The following TPO variants were observed in gnomAD, a reference collection of about 807,000 sequenced individuals.
TPO encodes the protein thyroid peroxidase, also known as thyroid microsomal antigen.
A neutral mutation model predicts 96.9 loss-of-function variants in TPO; 78 were observed. The ratio of observed to expected loss-of-function variants is 0.81; its 90% CI spans 0.67 to 0.97. The LOEUF (loss-of-function observed/expected upper bound fraction) is 0.97. Ranked by LOEUF, TPO falls within the 50% of genes least tolerant of loss-of-function variation. TPO has a pLI of 0.00. For missense variants in TPO, 1,252 were observed against 1,274.8 expected (o/e 0.98, Z 0.27); for synonymous variants, 547 against 538.0 (o/e 1.02, Z -0.23).
At chr2:1,422,440 A>G (rs1663852190) in intron 2 of TPO, among the ~76,000 whole-genome samples, 1 of 54,072 alleles carries the variant, frequency 1.8e-5, no homozygotes, top group South Asian at 7.7e-4. Context: ...AGGGACTTCT[A>G]TTTGCTTTTA....
At chr2:1,392,241 T>C (rs1438245218) in intron 1 of TPO, among the ~76,000 whole-genome samples, 1 of 152,250 alleles carries the variant, frequency 6.6e-6, no homozygotes, top group African/African-American at 2.4e-5. Context: ...CAAAGGCCTT[T>C]TCTGCATCTA....
At chr2:1,506,202 C>T (rs1439592704) in intron 14 of TPO, among the ~76,000 whole-genome samples, 3 of 152,058 alleles carry the variant, frequency 2.0e-5, no homozygotes, top group Admixed American at 2.0e-4. Context: ...CATGTCCCTA[C>T]AAAGGACATG....
intron 7 of TPO, among the ~76,000 whole-genome samples, chr2:1,463,494 C>A (rs990426574): frequency 9.2e-5 from 14 of 152,074 alleles, no homozygotes; most frequent in Non-Finnish European, 1.6e-4. Flanking sequence ...AATCCCAAAG[C>A]AAAACAGAAA....
At chr2:1,441,516 T>G (rs935396011) in intron 5 of TPO, among the ~76,000 whole-genome samples, 1 of 152,168 alleles carries the variant, frequency 6.6e-6, no homozygotes, top group Non-Finnish European at 1.5e-5. Flanking sequence ...GAAGGTGTTT[T>G]GGTAGTATCA....
rs1045158560 is a variant in TPO at position 1,543,653 on chromosome 2, TAAAAC to T, written c.*1182_*1186del. The T allele has an allele frequency of 7.3e-5, 11 of 150,624 alleles. No homozygotes were observed. The highest frequency in any genetic ancestry group is 2.4e-4 in the African/African-American group (10 of 41,240). The allele number at this position is 150,624 out of a possible 1,614,324, so 9.3% of individuals were successfully genotyped here. On this transcript the variant is annotated 3_prime_UTR_variant, in exon 17 of 17. Coordinates refer to ENST00000329066, the MANE Select transcript of TPO (RefSeq NM_001206744.2). The stretch of plus-strand genomic sequence containing the variant: ...CATGTAAAACTCATGATTTCATAAT[TAAAAC>T]AATATTAAAATAAAACTCATGAATG...
At chr2:1,385,322 G>A (rs537732685) in intron 1 of TPO, among the ~76,000 whole-genome samples, 89 of 152,290 alleles carry the variant, frequency 5.8e-4, no homozygotes, top group Middle Eastern at 6.8e-3. Context: ...GAATTTGGCT[G>A]TGAATCTGTC....
intron 7 of TPO, among the ~76,000 whole-genome samples, chr2:1,470,613 ACT>A (rs1340587185): frequency 1.3e-5 from 2 of 151,608 alleles, no homozygotes; most frequent in Non-Finnish European, 2.9e-5. Context: ...TTTTATTCTG[ACT>A]CTATTTTGTG....
At position 1,523,129 on chromosome 2, in the gene TPO, C is replaced by T. The variant is rs185188907; in HGVS notation, c.2618+6147C>T. ...GCACTCTGTGCAACCTCCCCAAATCCGCCCCACCCTGTGCATCCTCCCAAA... is the reference window on the plus strand; with the variant it reads ...GCACTCTGTGCAACCTCCCCAAATCTGCCCCACCCTGTGCATCCTCCCAAA... On this transcript the variant is annotated intron_variant, in intron 15 of 16. Coordinates refer to ENST00000329066, the MANE Select transcript of TPO (RefSeq NM_001206744.2). Among the ~76,000 whole-genome samples the T allele has an allele frequency of 2.9e-3, 425 of 146,554 alleles. 3 individuals are homozygous for T. Among genetic ancestry groups the T allele is most frequent in the Non-Finnish European group, 4.6e-3 (310 of 66,700 alleles).
intron 8 of TPO, chr2:1,478,351 G>A: frequency 1.0e-6 from 1 of 985,486 alleles, no homozygotes; most frequent in Non-Finnish European, 1.2e-6. Flanking sequence ...TGTTGCACCA[G>A]GCCCTGTGGC....
intron 14 of TPO, among the ~76,000 whole-genome samples, chr2:1,511,777 A>C (rs991834645): frequency 3.3e-5 from 5 of 151,972 alleles, no homozygotes; most frequent in Admixed American, 6.6e-5. Context: ...TACCTCCTCA[A>C]ATGCTCCATC....
chr2:1,422,654 A>G (rs1397681306), intron 2 of TPO, among the ~76,000 whole-genome samples: 1 of 152,212 alleles, frequency 6.6e-6, no homozygotes, highest in African/African-American at 2.4e-5. Context: ...TTCATTGGAA[A>G]CTACTGGTAT....
intron 7 of TPO, among the ~76,000 whole-genome samples, chr2:1,474,357 G>A (rs953230900): frequency 3.3e-5 from 5 of 152,156 alleles, no homozygotes; most frequent in African/African-American, 1.2e-4. Flanking sequence ...TTGATTTGCT[G>A]CCCTATCTTT....
intron 1 of TPO, among the ~76,000 whole-genome samples, chr2:1,395,770 G>A (rs1290050667): frequency 6.6e-6 from 1 of 151,550 alleles, no homozygotes; most frequent in African/African-American, 2.4e-5. Flanking sequence ...TAGTGATAGT[G>A]TGTTCTAGTG....
intron 16 of TPO, 114 bp from the exon 17 acceptor site, chr2:1,542,307 G>A (rs28915685): frequency 3.2e-4 from 439 of 1,392,646 alleles, no homozygotes; most frequent in Middle Eastern, 2.6e-3. Context: ...TCTCGCCAGC[G>A]GTCCTTTGTG....
intron 1 of TPO, among the ~76,000 whole-genome samples, chr2:1,390,452 C>G (rs539521402): frequency 6.6e-6 from 1 of 152,228 alleles, no homozygotes; most frequent in South Asian, 2.1e-4. Context: ...GGGTTGGTTC[C>G]AAGTCTTTGC....
intron 16 of TPO, chr2:1,541,735 T>C (rs575973728): frequency 6.5e-6 from 1 of 152,678 alleles, no homozygotes; most frequent in South Asian, 2.1e-4. Context: ...AATGTAAAGG[T>C]ATCAAAACCA....
At chr2:1,534,286 C>T (rs1372605179) in intron 15 of TPO, among the ~76,000 whole-genome samples, 2 of 141,902 alleles carry the variant, frequency 1.4e-5, no homozygotes, top group Admixed American at 7.2e-5. Context: ...TATGAGCAAC[C>T]TCCTCACATC....
intron 14 of TPO, among the ~76,000 whole-genome samples, chr2:1,512,184 C>A (rs951696429): frequency 1.3e-5 from 2 of 152,162 alleles, no homozygotes; most frequent in African/African-American, 4.8e-5. Flanking sequence ...CAGGCGCCCG[C>A]CACCACGCCC....
intron 3 of TPO, among the ~76,000 whole-genome samples, chr2:1,428,242 C>T (rs1567919): frequency 5.3e-5 from 8 of 152,162 alleles, no homozygotes; most frequent in African/African-American, 9.7e-5. Context: ...TGTCTGCATT[C>T]GGAATGACCC....
Sources: allele counts gnomAD v4.1 joint callset (sites outside exome capture counted in the v4.1 genomes callset), GRCh38; gene constraint gnomAD v4.1.1; transcripts MANE v1.5; gene names NCBI Gene and HGNC (gene_info 2026-07-23, HGNC 2026-07-21).